The following NELL1 variants were observed in gnomAD, a reference collection of about 807,000 sequenced individuals.
NELL1 encodes neural EGFL like 1, also known as protein kinase C-binding protein NELL1.
Under a neutral mutation model 107.4 loss-of-function variants are expected in NELL1, and 76 were observed. That is an observed-to-expected ratio of 0.71 (90% CI 0.59 to 0.86). NELL1 has a LOEUF of 0.86. Among genes scored for constraint, NELL1 ranks in the 40% least tolerant of loss-of-function variants. NELL1 has a pLI of 0.00. For synonymous variants in NELL1, 353 were observed against 341.2 expected, an observed-to-expected ratio of 1.03 and a Z score of -0.38; for missense variants, 1,024 against 1,005.5, an observed-to-expected ratio of 1.02 and a Z score of -0.25.
At chr11:21,509,531 A>C (rs981302173) in intron 15 of NELL1, among the ~76,000 whole-genome samples, 1 of 152,232 alleles carries the variant, frequency 6.6e-6, no homozygotes, top group African/African-American at 2.4e-5. Flanking sequence ...CTTTTTTTCA[A>C]GATGGGTAAA....
chr11:21,471,451 T>G (rs1854179704), intron 15 of NELL1, among the ~76,000 whole-genome samples: 3 of 152,076 alleles, frequency 2.0e-5, no homozygotes, highest in Admixed American at 2.0e-4. Context: ...ACTGGAAATT[T>G]TTGTAAATAA....
chr11:21,153,423 A>G (rs909092442), intron 13 of NELL1, among the ~76,000 whole-genome samples: 1 of 152,016 alleles, frequency 6.6e-6, no homozygotes. Context: ...TGTAAGAAAA[A>G]TCATTTATTT....
chr11:21,057,823 TATA>T (rs1312853492), intron 12 of NELL1, among the ~76,000 whole-genome samples: 1 of 152,086 alleles, frequency 6.6e-6, no homozygotes, highest in African/African-American at 2.4e-5. Flanking sequence ...TTAACTTTTC[TATA>T]ATGACCATAA....
At chr11:20,879,024 G>GT (rs1849358955) in intron 4 of NELL1, among the ~76,000 whole-genome samples, 1 of 152,214 alleles carries the variant, frequency 6.6e-6, no homozygotes, top group African/African-American at 2.4e-5. Context: ...ATCTAAGCAG[G>GT]TACAGGAATG....
intron 18 of NELL1, among the ~76,000 whole-genome samples, chr11:21,572,355 T>G (rs920234054): frequency 6.6e-6 from 1 of 151,844 alleles, no homozygotes; most frequent in Admixed American, 6.6e-5. Flanking sequence ...TCATACTTAA[T>G]AAATATTCAA....
intron 12 of NELL1, among the ~76,000 whole-genome samples, chr11:21,046,157 A>G (rs1853348518): frequency 6.6e-6 from 1 of 152,188 alleles, no homozygotes; most frequent in Admixed American, 6.6e-5. Flanking sequence ...CAATTTTTAA[A>G]GAGAAAAAAT....
chr11:21,126,487 T>G (rs529499993), intron 13 of NELL1, among the ~76,000 whole-genome samples: 1 of 152,356 alleles, frequency 6.6e-6, no homozygotes, highest in South Asian at 2.1e-4. Flanking sequence ...CTCTGCCTCT[T>G]ACAAGCTTTG....
At chr11:20,778,314 C>T (rs1029711306) in intron 2 of NELL1, among the ~76,000 whole-genome samples, 5 of 152,082 alleles carry the variant, frequency 3.3e-5, no homozygotes, top group African/African-American at 7.2e-5. Context: ...TTCCCCAGTG[C>T]CAACCACAGT....
chr11:20,940,866 G>C (rs550101849), intron 10 of NELL1, among the ~76,000 whole-genome samples: 1 of 152,070 alleles, frequency 6.6e-6, no homozygotes, highest in Non-Finnish European at 1.5e-5. Context: ...AGCCAGGCGT[G>C]GTGGCTTATG....
chr11:20,759,092 T>C (rs1473646147), intron 2 of NELL1, among the ~76,000 whole-genome samples: 1 of 152,238 alleles, frequency 6.6e-6, no homozygotes, highest in Admixed American at 6.5e-5. Flanking sequence ...TTAAGCAGTG[T>C]AGCTAAGTCC....
chr11:21,516,128 A>T (rs113894411), intron 15 of NELL1, among the ~76,000 whole-genome samples: 24 of 152,240 alleles, frequency 1.6e-4, no homozygotes, highest in Non-Finnish European at 2.9e-4. Flanking sequence ...CATTAGACAG[A>T]CCTGAACTTG....
chr11:20,799,488 T>C (rs1857239084), intron 3 of NELL1, among the ~76,000 whole-genome samples: 1 of 152,222 alleles, frequency 6.6e-6, no homozygotes, highest in African/African-American at 2.4e-5. Flanking sequence ...AATTACATTT[T>C]TTAGAGCAAA....
At chr11:21,504,656 T>C (rs1855235461) in intron 15 of NELL1, among the ~76,000 whole-genome samples, 1 of 152,182 alleles carries the variant, frequency 6.6e-6, no homozygotes, top group South Asian at 2.1e-4. Flanking sequence ...ATTACATACA[T>C]TTGGTAATTT....
chr11:20,686,980 G>T (rs35447853), intron 2 of NELL1, among the ~76,000 whole-genome samples: 11,281 of 145,674 alleles, frequency 0.077, 588 homozygotes, highest in Non-Finnish European at 0.11. Flanking sequence ...TCCCTTTTAT[G>T]CTGGAATCTC....
chr11:20,721,464 A>T (rs2467092), intron 2 of NELL1, among the ~76,000 whole-genome samples: 128,383 of 151,886 alleles, frequency 0.85, 54,480 homozygotes, highest in East Asian at 0.95. Flanking sequence ...CAACTGCTAT[A>T]AGGAGGCTTG....
intron 2 of NELL1, among the ~76,000 whole-genome samples, chr11:20,699,109 C>A (rs548317763): frequency 6.6e-6 from 1 of 151,266 alleles, no homozygotes; most frequent in East Asian, 2.0e-4. Context: ...CCTAGCTACT[C>A]GGGAGGTTGA....
intron 13 of NELL1, among the ~76,000 whole-genome samples, chr11:21,196,416 G>A (rs1857154216): frequency 6.6e-6 from 1 of 152,054 alleles, no homozygotes; most frequent in Non-Finnish European, 1.5e-5. Flanking sequence ...CTGCTTCCCA[G>A]GCCTTCTTGC....
intron 15 of NELL1, among the ~76,000 whole-genome samples, chr11:21,393,910 C>G (rs1051138109): frequency 1.3e-5 from 2 of 151,638 alleles, no homozygotes; most frequent in Admixed American, 6.6e-5. Flanking sequence ...GGGAAGTCCT[C>G]TCAGGTCTGG....
At chr11:20,839,059 ATT>A (rs10710898) in intron 3 of NELL1, among the ~76,000 whole-genome samples, 10 of 151,610 alleles carry the variant, frequency 6.6e-5, no homozygotes, top group South Asian at 6.2e-4. Flanking sequence ...AAATTAGCTT[ATT>A]TTTTTTTTAA....
Sources: gnomAD v4.1 joint callset for allele counts (sites outside exome capture counted in the v4.1 genomes callset) on GRCh38, gnomAD v4.1.1 for gene constraint, MANE v1.5 for transcripts, NCBI Gene and HGNC (gene_info 2026-07-23, HGNC 2026-07-21) for gene names.